TRAK1: variants seen among roughly 807,000 people sequenced by gnomAD.
TRAK1 encodes the protein trafficking kinesin-binding protein 1.
In TRAK1, 33 loss-of-function variants were observed where a neutral mutation model predicts 92.1. That is an observed-to-expected ratio of 0.36 (90% CI 0.27 to 0.48). The LOEUF (loss-of-function observed/expected upper bound fraction) is 0.48, where lower values mean the gene tolerates loss of function less well. Ranked by LOEUF, TRAK1 falls within the 20% of genes least tolerant of loss-of-function variation. The probability of loss-of-function intolerance (pLI) is 0.99; values close to 1 mark genes in which losing one functional copy is unlikely to be tolerated. For missense variants in TRAK1, 1,123 were observed against 1,257.9 expected (o/e 0.89, Z 1.62); for synonymous variants, 521 against 517.3 (o/e 1.01, Z -0.10).
At chr3:42,189,220 AGCTG>A in intron 6 of TRAK1, 96 bp downstream of exon 6, 2 of 890,316 alleles carry the variant, frequency 2.2e-6, no homozygotes, top group Non-Finnish European at 3.6e-6. Context: ...CCCTCCTCAA[AGCTG>A]GCAGTCTGTG....
intron 14 of TRAK1, among the ~76,000 whole-genome samples, chr3:42,212,874 A>G (rs1709224276): frequency 6.6e-6 from 1 of 152,170 alleles, no homozygotes; most frequent in Non-Finnish European, 1.5e-5. Context: ...GTGAGAAAGA[A>G]GTAGGATTCA....
chr3:42,035,033 G>A (rs1205956059), intron 1 of TRAK1, among the ~76,000 whole-genome samples: 1 of 152,146 alleles, frequency 6.6e-6, no homozygotes, highest in Non-Finnish European at 1.5e-5. Context: ...TCACCAAAGT[G>A]CCTTCTTTCT....
intron 1 of TRAK1, among the ~76,000 whole-genome samples, chr3:42,106,351 C>G (rs1162114737): frequency 6.7e-6 from 1 of 148,978 alleles, no homozygotes; most frequent in Non-Finnish European, 1.5e-5. Flanking sequence ...GAAAACAAAA[C>G]AAAAAAAAAG....
chr3:42,081,259 C>T (rs963612910), intron 1 of TRAK1, among the ~76,000 whole-genome samples: 1 of 152,196 alleles, frequency 6.6e-6, no homozygotes, highest in African/African-American at 2.4e-5. Flanking sequence ...AGCCCATGGG[C>T]TGTGGTCTGC....
At chr3:42,190,811 C>T (rs947105676) in intron 6 of TRAK1, among the ~76,000 whole-genome samples, 1 of 152,018 alleles carries the variant, frequency 6.6e-6, no homozygotes, top group Non-Finnish European at 1.5e-5. Flanking sequence ...CTCCCTCCCT[C>T]CATGGGAGTC....
chr3:42,013,444 A>T (rs1356361682), upstream of TRAK1, among the ~76,000 whole-genome samples: 2 of 151,938 alleles, frequency 1.3e-5, no homozygotes, highest in African/African-American at 2.4e-5. The surrounding 1 kb of genome is among the most constrained non-coding windows in gnomAD (Gnocchi z 5.1). Context: ...TCTGTGCCCC[A>T]CGGCGTGGGT....
intron 11 of TRAK1, 123 bp from the exon 12 acceptor site, chr3:42,200,695 A>G (rs2149467133): frequency 2.2e-6 from 2 of 921,188 alleles, no homozygotes; most frequent in Non-Finnish European, 3.5e-6. Flanking sequence ...ACAGGATAGC[A>G]GGCTGCTGGG....
intron 9 of TRAK1, 64 bp downstream of exon 9, chr3:42,193,962 G>C: frequency 6.8e-7 from 1 of 1,468,936 alleles, no homozygotes; most frequent in South Asian, 1.2e-5. Context: ...TAGCCTTCCC[G>C]GACAGCTTTA....
intron 1 of TRAK1, among the ~76,000 whole-genome samples, chr3:42,019,119 AAAAG>A (rs1701639322): frequency 6.6e-6 from 1 of 152,128 alleles, no homozygotes; most frequent in African/African-American, 2.4e-5. Context: ...TTAAAAAAGA[AAAAG>A]AAAAAGAAAA....
intron 2 of TRAK1, among the ~76,000 whole-genome samples, chr3:42,171,268 C>G (rs1702526425): frequency 6.6e-6 from 1 of 152,112 alleles, no homozygotes; most frequent in Admixed American, 6.6e-5. Flanking sequence ...GAGCTGACAT[C>G]AATGGGAGGA....
intron 2 of TRAK1, among the ~76,000 whole-genome samples, chr3:42,135,965 C>T (rs986481193): frequency 6.6e-6 from 1 of 152,170 alleles, no homozygotes; most frequent in Non-Finnish European, 1.5e-5. Context: ...CATAGAAACT[C>T]GGGGTGGACA....
At chr3:42,066,425 T>G in intron 1 of TRAK1, among the ~76,000 whole-genome samples, 1 of 150,972 alleles carries the variant, frequency 6.6e-6, no homozygotes. Flanking sequence ...GGGATGGTCA[T>G]GGAGAGAGAG....
rs757737865 is a variant in TRAK1 at position 42,194,902 on chromosome 3, C to T, written c.1074C>T (p.Thr358=). Residue 358 remains threonine, a synonymous_variant, in exon 10 of 16, where the codon ACC becomes ACT. Coordinates refer to ENST00000327628, the MANE Select transcript of TRAK1 (RefSeq NM_001042646.3). Reference sequence around the variant, plus strand: ...TCCGGAACAAAACCATGCCCAATACCACGTCTCGGCGCTACCACTCACTGG... The same window carrying T: ...TCCGGAACAAAACCATGCCCAATACTACGTCTCGGCGCTACCACTCACTGG... ...KNLRNKTMPN[T]TSRRYHSLGL... 21 of 1,613,908 alleles carry T rather than the reference C, an allele frequency of 1.3e-5. No homozygotes were observed. The highest frequency in any genetic ancestry group is 1.6e-4 in the Middle Eastern group (1 of 6,062).
rs759014797 is a variant in TRAK1, at chr3:42,091,490, C to T, written c.21C>T (p.Phe7=). The T allele has an allele frequency of 1.1e-5, 17 of 1,613,544 alleles. No homozygotes were observed. Among genetic ancestry groups the T allele is most frequent in the Admixed American group, 5.0e-5 (3 of 59,858 alleles). ...TGCACATGGCATTGGTTTTTCAATTCGGGCAGCCCGTCAGGGCTCAGCCTC... is the reference window on the plus strand; with the variant it reads ...TGCACATGGCATTGGTTTTTCAATTTGGGCAGCCCGTCAGGGCTCAGCCTC... MALVFQ[F]GQPVRAQPLP... The change falls in exon 1 of 16, where the codon TTC becomes TTT. Residue 7 remains phenylalanine (F), a synonymous_variant. Transcript: ENST00000327628.
chr3:42,149,662 G>A, intron 2 of TRAK1: 1 of 1,534,214 alleles, frequency 6.5e-7, no homozygotes, highest in East Asian at 2.4e-5. Flanking sequence ...TTCTGGGTGG[G>A]GGGTGTCCTG....
chr3:42,193,504 T>C (rs1274169174), intron 8 of TRAK1, among the ~76,000 whole-genome samples: 1 of 152,146 alleles, frequency 6.6e-6, no homozygotes, highest in Non-Finnish European at 1.5e-5. Flanking sequence ...TTTTACACAG[T>C]GCACTAGATA....
At chr3:42,038,116 A>G (rs911848947) in intron 1 of TRAK1, among the ~76,000 whole-genome samples, 1 of 152,218 alleles carries the variant, frequency 6.6e-6, no homozygotes, top group African/African-American at 2.4e-5. Flanking sequence ...CTTGCCTGAT[A>G]GAGATTTGGC....
chr3:42,204,094 CTTTT>C (rs1708044125), intron 13 of TRAK1: 8 of 985,698 alleles, frequency 8.1e-6, no homozygotes, highest in Non-Finnish European at 8.4e-6. Flanking sequence ...ATAGCTTACT[CTTTT>C]TTAATTGTTT....
At chr3:42,149,361 T>G in intron 2 of TRAK1, 1 of 1,435,622 alleles carries the variant, frequency 7.0e-7, no homozygotes, top group South Asian at 1.5e-5. Flanking sequence ...TTCTTTTCAT[T>G]GCCCACTTTA....
Sources: allele counts gnomAD v4.1 joint callset (sites outside exome capture counted in the v4.1 genomes callset), GRCh38; gene constraint gnomAD v4.1.1; non-coding constraint Gnocchi (gnomAD v3.1); transcripts MANE v1.5; gene names NCBI Gene and HGNC (gene_info 2026-07-23, HGNC 2026-07-21).